The following KDM1A variants were observed in gnomAD, a reference collection of about 807,000 sequenced individuals.
The protein encoded by KDM1A is lysine demethylase 1A.
A neutral mutation model predicts 109.4 loss-of-function variants in KDM1A; 49 were observed. That is an observed-to-expected ratio of 0.45 (90% CI 0.36 to 0.57). The LOEUF is 0.57. KDM1A is among the 20% of genes least tolerant of loss of function. KDM1A has a pLI of 0.00. For synonymous variants in KDM1A, 380 were observed against 415.4 expected (o/e 0.91, Z 1.04); for missense variants, 668 against 1,116.6 (o/e 0.60, Z 5.73).
chr1:23,024,539 A>G (rs552319381), intron 1 of KDM1A, among the ~76,000 whole-genome samples: 1 of 152,370 alleles, frequency 6.6e-6, no homozygotes, highest in East Asian at 1.9e-4. Context: ...GAAGGAGTTC[A>G]TGTAATTGAG....
chr1:23,028,372 G>T (rs1458004970), intron 1 of KDM1A, among the ~76,000 whole-genome samples: 1 of 152,182 alleles, frequency 6.6e-6, no homozygotes, highest in Non-Finnish European at 1.5e-5. Context: ...CCTAGAGGGG[G>T]CCTGTAAAGA....
Position 23,081,558 on chromosome 1 carries a change from C to T in KDM1A, c.2283C>T (p.Ser761=). ...CCATTCTCAAAGGGATTTTTGGTAG[C>T]AGTGCAGTACCTCAGGTAAGTAGGT... The part of the protein sequence containing the change: ...CLAILKGIFG[S]SAVPQPKETV... Residue 761 remains serine, a synonymous_variant, in exon 19 of 21, where the codon AGC becomes AGT. Transcript: ENST00000400181. 1 of 1,614,116 alleles carries T rather than the reference C, an allele frequency of 6.2e-7. No homozygotes were observed. Among genetic ancestry groups the T allele is most frequent in the South Asian group, 1.1e-5 (1 of 91,082 alleles).
chr1:23,051,920 T>C (rs950296495), intron 4 of KDM1A, among the ~76,000 whole-genome samples: 2 of 152,238 alleles, frequency 1.3e-5, no homozygotes, highest in Admixed American at 6.5e-5. Flanking sequence ...GAAAAGATGG[T>C]GAGTTTTTTA....
intron 2 of KDM1A, among the ~76,000 whole-genome samples, chr1:23,038,196 C>T (rs930918140): frequency 6.6e-6 from 1 of 151,632 alleles, no homozygotes; most frequent in Non-Finnish European, 1.5e-5. Flanking sequence ...TTGTGGTGGG[C>T]CATTTTCAGT....
intron 9 of KDM1A, among the ~76,000 whole-genome samples, chr1:23,062,684 A>C (rs1643033160): frequency 6.6e-6 from 1 of 152,182 alleles, no homozygotes; most frequent in South Asian, 2.1e-4. Context: ...TCTCTCCTAC[A>C]TTTGTAGCTA....
At chr1:23,039,121 C>T (rs1023766814) in intron 2 of KDM1A, among the ~76,000 whole-genome samples, 1 of 152,174 alleles carries the variant, frequency 6.6e-6, no homozygotes, top group Non-Finnish European at 1.5e-5. Flanking sequence ...CTTTTAGCCC[C>T]ATTCTTACTT....
chr1:23,079,433 AAAT>A lies in KDM1A; in HGVS notation c.2056-114_2056-112del. 3 of 795,342 alleles carry A rather than the reference AAAT, an allele frequency of 3.8e-6. No individual in the cohort carries two copies. Among genetic ancestry groups the A allele is most frequent in the Middle Eastern group, 2.4e-4 (1 of 4,126 alleles). The allele number at this position is 795,342 out of a possible 1,614,324, so 49.3% of individuals were successfully genotyped here. A position where few individuals can be genotyped will look rare whatever the true frequency, so the allele number is the denominator to read the frequency against. ...AAAAGGGGATCGTAAATGTCATCCT[AAAT>A]AATAAGGATTGCTGGGCTTATTTTG... On this transcript the variant is annotated intron_variant, in intron 17 of 20. Transcript: ENST00000400181. This position sits in a 1 kb window ranked among gnomAD's most constrained non-coding sequence, Gnocchi z 5.6.
At chr1:23,038,354 T>C (rs1022840020) in intron 2 of KDM1A, among the ~76,000 whole-genome samples, 1 of 152,052 alleles carries the variant, frequency 6.6e-6, no homozygotes, top group Non-Finnish European at 1.5e-5. Flanking sequence ...CTTTGGGACT[T>C]TCTAACATAG....
intron 10 of KDM1A, 81 bp from the exon 11 acceptor site, chr1:23,068,458 A>G: frequency 8.4e-7 from 1 of 1,191,516 alleles, no homozygotes; most frequent in East Asian, 2.6e-5. Flanking sequence ...TGACCTTTAT[A>G]AACTATAGAG....
intron 15 of KDM1A, among the ~76,000 whole-genome samples, chr1:23,076,904 G>A (rs528018647): frequency 6.6e-6 from 1 of 151,112 alleles, no homozygotes; most frequent in South Asian, 2.1e-4. Flanking sequence ...GTCCGAGGTT[G>A]CAATGAGCCG....
At chr1:23,050,346 C>T (rs374153201) in intron 3 of KDM1A, 41 bp from the exon 4 acceptor site, 48 of 1,582,056 alleles carry the variant, frequency 3.0e-5, no homozygotes, top group Non-Finnish European at 3.9e-5. Flanking sequence ...GTTTTGTATT[C>T]ACTTGCACTT....
In KDM1A at chr1:23,068,824, T is replaced by C. The variant is rs555626437; in HGVS notation, c.1322+143T>C. ...AACCATTGAATCCAAAGTTAAAAATTATTTAAAATAATTATATGATCCCTT... is the reference window on the plus strand; with the variant it reads ...AACCATTGAATCCAAAGTTAAAAATCATTTAAAATAATTATATGATCCCTT... On this transcript the variant is annotated intron_variant, in intron 11 of 20. Coordinates refer to ENST00000400181, the MANE Select transcript of KDM1A (RefSeq NM_001009999.3). 1.2e-4 allele frequency: 90 copies of C among 732,288 alleles called. No homozygotes were observed. In the Middle Eastern group the frequency reaches 7.1e-3, roughly 58 times the overall value. 45.4% of individuals were successfully genotyped at this position (732,288 alleles called of 1,614,324 possible).
intron 9 of KDM1A, among the ~76,000 whole-genome samples, chr1:23,061,039 A>G (rs1176623631): frequency 6.6e-6 from 1 of 152,168 alleles, no homozygotes; most frequent in African/African-American, 2.4e-5. Flanking sequence ...TCTAACGTAA[A>G]GAGAGAACTT....
chr1:23,058,331 G>A (rs1345497840), intron 8 of KDM1A, among the ~76,000 whole-genome samples: 2 of 151,960 alleles, frequency 1.3e-5, no homozygotes, highest in South Asian at 2.1e-4. Flanking sequence ...CACCCACCTC[G>A]GCCTCCCAAA....
intron 9 of KDM1A, among the ~76,000 whole-genome samples, chr1:23,064,461 C>A: frequency 6.6e-6 from 1 of 152,272 alleles, no homozygotes. Flanking sequence ...CTGATTCTTT[C>A]TGGGGATTTC....
At chr1:23,025,039 C>T (rs1340618405) in intron 1 of KDM1A, among the ~76,000 whole-genome samples, 2 of 152,096 alleles carry the variant, frequency 1.3e-5, no homozygotes, top group African/African-American at 2.4e-5. Flanking sequence ...GGACCAGTAG[C>T]GTTGGGGTTG....
intron 1 of KDM1A, among the ~76,000 whole-genome samples, chr1:23,029,522 A>G (rs925686207): frequency 6.6e-6 from 1 of 152,194 alleles, no homozygotes. Context: ...CACATTCACT[A>G]AGACTGCTTC....
Position 23,071,236 on chromosome 1 carries a change from G to C in KDM1A, c.1425G>C (p.Leu475Phe), listed in dbSNP as rs773662361. ...LKELLNKMVNLKEKIKELHQQ... is the reference protein window; with the variant it reads ...LKELLNKMVNFKEKIKELHQQ... ...TTTTTCCTTCTTAGATGGTAAATTTGAAAGAGAAAATTAAAGAACTCCATC... is the reference window on the plus strand; with the variant it reads ...TTTTTCCTTCTTAGATGGTAAATTTCAAAGAGAAAATTAAAGAACTCCATC... Residue 475 changes from leucine to phenylalanine, a missense_variant, in exon 13 of 21, where the codon TTG becomes TTC. This residue lies in a region of KDM1A where 62 missense variants were observed against 82.8 expected (regional missense o/e 0.75). Transcript: ENST00000400181. The C allele has an allele frequency of 6.3e-6, 10 of 1,598,636 alleles. No homozygotes were observed. Among genetic ancestry groups the C allele is most frequent in the Non-Finnish European group, 7.7e-6 (9 of 1,174,646 alleles).
At chr1:23,076,573 G>T (rs1213093373) in intron 15 of KDM1A, among the ~76,000 whole-genome samples, 1 of 151,590 alleles carries the variant, frequency 6.6e-6, no homozygotes. Context: ...CTTGAATGAT[G>T]TTTAATCATC....
Sources: gnomAD v4.1 joint callset for allele counts (sites outside exome capture counted in the v4.1 genomes callset) on GRCh38, gnomAD v4.1.1 for gene constraint, gnomAD v4.1.1 regional missense constraint, Gnocchi (gnomAD v3.1) non-coding constraint, MANE v1.5 for transcripts, NCBI Gene and HGNC (gene_info 2026-07-23, HGNC 2026-07-21) for gene names.